PAH: variants seen among roughly 807,000 people sequenced by gnomAD.
The protein encoded by PAH is phenylalanine-4-hydroxylase.
Under a neutral mutation model 62.0 loss-of-function variants are expected in PAH, and 64 were observed. The ratio of observed to expected loss-of-function variants is 1.03; its 90% CI spans 0.84 to 1.27. The LOEUF (loss-of-function observed/expected upper bound fraction) is 1.27, where lower values mean the gene tolerates loss of function less well. Among genes scored for constraint, PAH ranks in the 50% most tolerant of loss-of-function variants. PAH has a pLI of 0.00. For synonymous variants in PAH, 195 were observed against 196.2 expected (o/e 0.99, Z 0.05); for missense variants, 579 against 542.8 (o/e 1.07, Z -0.66).
intron 7 of PAH, 68 bp from the exon 8 acceptor site, chr12:102,851,824 T>C (rs1565846292): frequency 3.4e-6 from 4 of 1,176,176 alleles, no homozygotes; most frequent in African/African-American, 1.5e-5. Context: ...TCAGTCTTTC[T>C]ACATGAGGAA....
chr12:102,863,754 A>T (rs1272859302), intron 5 of PAH, among the ~76,000 whole-genome samples: 1 of 152,178 alleles, frequency 6.6e-6, no homozygotes, highest in African/African-American at 2.4e-5. Flanking sequence ...GCCTGAGCCT[A>T]AACTACCCGC....
chr12:102,870,959 T>A (rs1235327266), intron 4 of PAH, among the ~76,000 whole-genome samples: 1 of 152,170 alleles, frequency 6.6e-6, no homozygotes, highest in African/African-American at 2.4e-5. Flanking sequence ...TTCCCCCTTC[T>A]CTCTTCCTTC....
At chr12:102,853,251 T>C in intron 6 of PAH, 1 of 393,796 alleles carries the variant, frequency 2.5e-6, no homozygotes, top group Non-Finnish European at 4.8e-6. Context: ...GCCTAGCACA[T>C]TGGAAACATG....
chr12:102,855,873 G>A lies in PAH; in HGVS notation c.510-541C>T, dbSNP rs192110610. The stretch of plus-strand genomic sequence containing the variant: ...ATCTGAGATCCCCTTTGTTTGGTAG[G>A]CATGCACTTATTGGGTTTGATATTT... On this transcript the variant is annotated intron_variant, in intron 5 of 12. Transcript: ENST00000553106. Among the ~76,000 whole-genome samples, 64 of 152,204 alleles carry A rather than the reference G, an allele frequency of 4.2e-4. No individual in the cohort carries two copies. In the East Asian group the frequency reaches 8.9e-3, roughly 21 times the overall value.
Position 102,911,021 on chromosome 12 carries a change from T to A in PAH, c.168+1770A>T, listed in dbSNP as rs139935226. ...CAGGCAAGCTTCCTTTCCATTCTCATTCCAGAGGTTACAATCTCTTGGGGG... is the reference window on the plus strand; with the variant it reads ...CAGGCAAGCTTCCTTTCCATTCTCAATCCAGAGGTTACAATCTCTTGGGGG... On this transcript the variant is annotated intron_variant, in intron 2 of 12. Transcript: ENST00000553106. Among the ~76,000 whole-genome samples the A allele has an allele frequency of 3.3e-3, 508 of 152,284 alleles. 3 individuals carry two copies. The highest frequency in any genetic ancestry group is 6.8e-3 in the Middle Eastern group (2 of 294).
At position 102,913,856 on chromosome 12, in the gene PAH, T is replaced by C. The variant is rs1216948149; in HGVS notation, c.61-958A>G. On this transcript the variant is annotated intron_variant, in intron 1 of 12. Coordinates refer to ENST00000553106, the MANE Select transcript of PAH (RefSeq NM_000277.3). ...GGGTTAGGGCTGACATTCCAGAGTT[T>C]GCTAAATCATTAGCCTAAGTCGAAA... 5 of 702,024 alleles carry C rather than the reference T, an allele frequency of 7.1e-6. No homozygotes were observed. The East Asian group carries it at 1.1e-4, about 15-fold the overall frequency. The allele number at this position is 702,024 out of a possible 1,614,324, so 43.5% of individuals were successfully genotyped here. A position where few individuals can be genotyped will look rare whatever the true frequency, so the allele number is the denominator to read the frequency against.
At chr12:102,914,021 G>C in intron 1 of PAH, 1 of 558,652 alleles carries the variant, frequency 1.8e-6, no homozygotes, top group Admixed American at 3.2e-5. Context: ...ATCTCAATGA[G>C]AGAAGGCTGT....
chr12:102,891,907 C>G (rs1156490664), intron 3 of PAH, among the ~76,000 whole-genome samples: 1 of 152,214 alleles, frequency 6.6e-6, no homozygotes, highest in African/African-American at 2.4e-5. Flanking sequence ...CTGCTCCAAC[C>G]AGAGGCTGAA....
At chr12:102,877,375 A>C (rs1010831842) in intron 4 of PAH, 87 bp downstream of exon 4, 140 of 968,642 alleles carry the variant, frequency 1.4e-4, no homozygotes, top group Admixed American at 4.7e-4. Flanking sequence ...GAACAAGTAC[A>C]TTGCTCCAAG....
chr12:102,953,652 GA>G (rs1173020102), upstream of PAH: 2 of 152,218 alleles, frequency 1.3e-5, no homozygotes, highest in Non-Finnish European at 2.9e-5. Context: ...TTCAGCTCCA[GA>G]GTGTTCTGAT....
chr12:102,860,390 G>A (rs967171594), intron 5 of PAH, among the ~76,000 whole-genome samples: 6 of 152,192 alleles, frequency 3.9e-5, no homozygotes, highest in South Asian at 2.1e-4. Flanking sequence ...AATCAATGTC[G>A]TGAAAATGGC....
intron 11 of PAH, among the ~76,000 whole-genome samples, 184 bp from the exon 12 acceptor site, chr12:102,840,699 G>C (rs968601046): frequency 2.0e-5 from 3 of 152,070 alleles, no homozygotes; most frequent in African/African-American, 7.3e-5. Context: ...GGAAGCCTCT[G>C]TATGTGTGTA....
At chr12:102,868,478 T>C (rs953674537) in intron 4 of PAH, among the ~76,000 whole-genome samples, 3 of 152,030 alleles carry the variant, frequency 2.0e-5, no homozygotes, top group Non-Finnish European at 2.9e-5. Context: ...AATAATGTGA[T>C]TACTCTGTTT....
At chr12:102,931,711 A>ATTC (rs1262002697) in intron 1 of PAH, among the ~76,000 whole-genome samples, 1 of 152,070 alleles carries the variant, frequency 6.6e-6, no homozygotes, top group Non-Finnish European at 1.5e-5. Context: ...CCCTGTTGAC[A>ATTC]TTCTGGTTTT....
In PAH at chr12:102,843,756, C is replaced by T. The variant is rs63329263; in HGVS notation, c.1089G>A (p.Lys363=). ...ELQYCLSEKP[K]LLPLELEKTA... is the part of the protein sequence containing the mutation. ...TCTTCTCCAGCTCCAGGGGGAGAAG[C>T]TTTGGCTTCTCTGATAAGCAGTACT... Residue 363 remains lysine, a synonymous_variant, in exon 11 of 13, where the codon AAG becomes AAA. Transcript: ENST00000553106. 4.3e-6 allele frequency: 7 copies of T among 1,613,698 alleles called. No individual in the cohort carries two copies. The Admixed American group carries it at 5.0e-5, about 12-fold the overall frequency.
At chr12:102,859,607 T>G (rs1875623044) in intron 5 of PAH, among the ~76,000 whole-genome samples, 1 of 152,086 alleles carries the variant, frequency 6.6e-6, no homozygotes, top group African/African-American at 2.4e-5. Flanking sequence ...CAGCAGCACA[T>G]CAAAAAGCTT....
chr12:102,847,274 G>A, intron 8 of PAH: 1 of 389,882 alleles, frequency 2.6e-6, no homozygotes, highest in Non-Finnish European at 4.9e-6. Context: ...CCAGCTCAGT[G>A]ATTATTCATC....
intron 2 of PAH, among the ~76,000 whole-genome samples, chr12:102,895,867 A>AT (rs1490050011): frequency 0.012 from 1,565 of 125,986 alleles, 16 homozygotes; most frequent in Admixed American, 0.033. Flanking sequence ...AAAAAAAAAA[A>AT]AAATATATAT....
chr12:102,910,613 G>A (rs972194321), intron 2 of PAH, among the ~76,000 whole-genome samples: 3 of 152,024 alleles, frequency 2.0e-5, no homozygotes, highest in Admixed American at 6.6e-5. Context: ...CTTGTGATCC[G>A]TCAGCCTCAG....
Sources: gnomAD v4.1 joint callset for allele counts (sites outside exome capture counted in the v4.1 genomes callset) on GRCh38, gnomAD v4.1.1 for gene constraint, MANE v1.5 for transcripts, NCBI Gene and HGNC (gene_info 2026-07-23, HGNC 2026-07-21) for gene names.